PSTPIP1: variants seen among roughly 807,000 people sequenced by gnomAD.
PSTPIP1 encodes the protein proline-serine-threonine phosphatase interacting protein 1.
Under a neutral mutation model 69.6 loss-of-function variants are expected in PSTPIP1, and 66 were observed. That is an observed-to-expected ratio of 0.95 (90% confidence interval 0.78 to 1.16). PSTPIP1 has a LOEUF of 1.16. Ranked by LOEUF, PSTPIP1 falls within the 50% of genes most tolerant of loss-of-function variation. The probability of loss-of-function intolerance (pLI) is 0.00; values close to 1 mark genes in which losing one functional copy is unlikely to be tolerated. For synonymous variants in PSTPIP1, 266 were observed against 222.7 expected (o/e 1.19, Z -1.73); for missense variants, 603 against 557.4 (o/e 1.08, Z -0.82).
At chr15:77,017,945 T>C (rs1184387614) in intron 1 of PSTPIP1, among the ~76,000 whole-genome samples, 1 of 152,228 alleles carries the variant, frequency 6.6e-6, no homozygotes, top group African/African-American at 2.4e-5. Flanking sequence ...GGCTCACTTA[T>C]GTACCTGTCA....
chr15:77,026,577 G>A (rs2076285550), intron 5 of PSTPIP1, among the ~76,000 whole-genome samples: 2 of 152,352 alleles, frequency 1.3e-5, no homozygotes, highest in South Asian at 4.1e-4. Flanking sequence ...CAAGTGCTGG[G>A]AGCTCAGCCC....
rs2076603911 is a variant in PSTPIP1 at position 77,037,235 on chromosome 15, C to A, written c.*59C>A. 8.4e-6 allele frequency: 13 copies of A among 1,545,230 alleles called. 1 individual carries two copies. In the South Asian group the frequency reaches 1.4e-4, roughly 17 times the overall value. On this transcript the variant is annotated 3_prime_UTR_variant, in exon 15 of 15. Transcript: ENST00000558012. ...CCAGTGGAGCCAGCAGTGCCCCCAG[C>A]ACTGTCCCCACCTTGCTAGGGCCCA...
chr15:77,003,960 G>A (rs1323820809), intron 1 of PSTPIP1, among the ~76,000 whole-genome samples: 1 of 152,198 alleles, frequency 6.6e-6, no homozygotes, highest in African/African-American at 2.4e-5. Flanking sequence ...AGATCTTGCT[G>A]TTTCAGAATG....
chr15:77,025,713 G>C, intron 5 of PSTPIP1, 109 bp downstream of exon 5: 2 of 813,828 alleles, frequency 2.5e-6, no homozygotes, highest in Non-Finnish European at 3.8e-6. Context: ...GGGCGGCAGG[G>C]GTGGTGGTGG....
At chr15:77,000,121 G>A (rs890792488) in intron 1 of PSTPIP1, among the ~76,000 whole-genome samples, 1 of 152,148 alleles carries the variant, frequency 6.6e-6, no homozygotes, top group African/African-American at 2.4e-5. Context: ...AAACCCCTGT[G>A]CCACACTGGG....
At position 77,027,818 on chromosome 15, in the gene PSTPIP1, C is replaced by T. The variant is rs1424486935; in HGVS notation, c.355-34C>T. ...GGCCTAGGGGAGCCTCCCGAGGCCGCGGCCCTCGGCTCAGAACCTCGTGTC... is the reference window on the plus strand; with the variant it reads ...GGCCTAGGGGAGCCTCCCGAGGCCGTGGCCCTCGGCTCAGAACCTCGTGTC... On this transcript the variant is annotated intron_variant, in intron 5 of 14. Transcript: ENST00000558012. This position sits in a 1 kb window ranked among gnomAD's most constrained non-coding sequence, Gnocchi z 4.3. 4 of 1,551,280 alleles carry T rather than the reference C, an allele frequency of 2.6e-6. No individual in the cohort carries two copies. In the Admixed American group the frequency reaches 5.9e-5, roughly 23 times the overall value.
rs756956715 is a variant in PSTPIP1 at position 77,037,265 on chromosome 15, C to A, written c.*89C>A. ...TCCCCACCTTGCTAGGGCCCAGAACCAAGCGTCCCCCAGCCCCGAGAGGGA... is the reference window on the plus strand; with the variant it reads ...TCCCCACCTTGCTAGGGCCCAGAACAAAGCGTCCCCCAGCCCCGAGAGGGA... On this transcript the variant is annotated 3_prime_UTR_variant, in exon 15 of 15. Coordinates refer to ENST00000558012, the MANE Select transcript of PSTPIP1 (RefSeq NM_003978.5). 7.4e-6 allele frequency: 11 copies of A among 1,486,514 alleles called. No individual in the cohort carries two copies. Among genetic ancestry groups the A allele is most frequent in the South Asian group, 1.2e-5 (1 of 80,810 alleles). The allele number at this position is 1,486,514 out of a possible 1,614,324, so 92.1% of individuals were successfully genotyped here.
chr15:77,034,153 G>T (rs1299169371), intron 12 of PSTPIP1, among the ~76,000 whole-genome samples: 1 of 152,136 alleles, frequency 6.6e-6, no homozygotes, highest in Non-Finnish European at 1.5e-5. Flanking sequence ...AGAGGCGGGG[G>T]TCAGTGACTG....
intron 1 of PSTPIP1, chr15:77,007,803 C>G: frequency 2.4e-6 from 1 of 420,228 alleles, no homozygotes. Flanking sequence ...CACTGGTTAG[C>G]CAGGATGGTC....
chr15:77,034,116 G>T, intron 12 of PSTPIP1, among the ~76,000 whole-genome samples: 1 of 152,150 alleles, frequency 6.6e-6, no homozygotes, highest in Admixed American at 6.5e-5. Context: ...TCTGGATGGG[G>T]CATCTAGAAG....
intron 3 of PSTPIP1, among the ~76,000 whole-genome samples, chr15:77,020,550 T>C (rs957320336): frequency 6.6e-6 from 1 of 152,188 alleles, no homozygotes; most frequent in Admixed American, 6.5e-5. Context: ...TTAGTCACCA[T>C]TTAATTGAGG....
chr15:77,034,838 G>GTT (rs1388688525), intron 12 of PSTPIP1, among the ~76,000 whole-genome samples: 1 of 152,244 alleles, frequency 6.6e-6, no homozygotes, highest in Admixed American at 6.5e-5. Flanking sequence ...TGCCTCTTCT[G>GTT]TTTTATTTTC....
rs369205216 is a variant in PSTPIP1, at chr15:77,035,547, G to A, written c.969G>A (p.Ser323=). ...TGCACGGAAGTCCCAAGACCACTTC[G>A]TTGGCAGCTTCTGCTGGTAAAGGGG... The part of the protein sequence containing the change: ...GLLHGSPKTT[S]LAASAASTET... The change falls in exon 13 of 15, where the codon TCG becomes TCA. Residue 323 remains serine (S), a synonymous_variant. Coordinates refer to ENST00000558012, the MANE Select transcript of PSTPIP1 (RefSeq NM_003978.5). The A allele has an allele frequency of 1.3e-5, 20 of 1,587,586 alleles. No individual in the cohort carries two copies. The highest frequency in any genetic ancestry group is 2.3e-5 in the South Asian group (2 of 87,386).
At chr15:76,997,200 C>T (rs923919125) in intron 1 of PSTPIP1, among the ~76,000 whole-genome samples, 4 of 152,236 alleles carry the variant, frequency 2.6e-5, no homozygotes, top group South Asian at 2.1e-4. Flanking sequence ...CTGTGCTCGT[C>T]GCACCTCTGG....
chr15:76,998,307 A>C (rs2075623859), intron 1 of PSTPIP1, among the ~76,000 whole-genome samples: 3 of 152,100 alleles, frequency 2.0e-5, no homozygotes, highest in Non-Finnish European at 4.4e-5. Flanking sequence ...GGGCAACCTC[A>C]CCCATACAGA....
Position 77,027,944 on chromosome 15 carries a change from T to G in PSTPIP1, c.417+30T>G, listed in dbSNP as rs2076321585. 1 of 1,526,696 alleles carries G rather than the reference T, an allele frequency of 6.6e-7. No homozygotes were observed. Among genetic ancestry groups the G allele is most frequent in the Non-Finnish European group, 8.9e-7 (1 of 1,125,268 alleles). The allele number at this position is 1,526,696 out of a possible 1,614,324, so 94.6% of individuals were successfully genotyped here. A position where few individuals can be genotyped will look rare whatever the true frequency, so the allele number is the denominator to read the frequency against. ...GCGCCAGGGCCTGGGGCCGCGGCCT[T>G]CCCTCGAGGAGCAGCGCAGGTCTCA... On this transcript the variant is annotated intron_variant, in intron 6 of 14. Coordinates refer to ENST00000558012, the MANE Select transcript of PSTPIP1 (RefSeq NM_003978.5). This position sits in a 1 kb window ranked among gnomAD's most constrained non-coding sequence, Gnocchi z 4.3.
At chr15:77,023,244 C>T (rs2076201296) in intron 3 of PSTPIP1, among the ~76,000 whole-genome samples, 1 of 152,262 alleles carries the variant, frequency 6.6e-6, no homozygotes, top group East Asian at 1.9e-4. Flanking sequence ...CATGGTTCAG[C>T]TGCGTGACAG....
chr15:77,018,585 G>A, intron 3 of PSTPIP1, 54 bp downstream of exon 3: 2 of 1,495,334 alleles, frequency 1.3e-6, no homozygotes, highest in Non-Finnish European at 1.8e-6. Context: ...GCAGTTTCTG[G>A]GCCTTTAGAT....
At position 77,029,478 on chromosome 15, in the gene PSTPIP1, C is replaced by T. The variant is rs909317510; in HGVS notation, c.517-51C>T. 10 of 1,550,282 alleles carry T rather than the reference C, an allele frequency of 6.5e-6. No homozygotes were observed. In the South Asian group the frequency reaches 9.5e-5, roughly 15 times the overall value. On this transcript the variant is annotated intron_variant, in intron 7 of 14. Transcript: ENST00000558012. ...GTCACTTCAGGTCTGCTGGGGTGGG[C>T]CCTGGCTCCTGGGGCAGGGGCTTAG...
Sources: allele counts gnomAD v4.1 joint callset (sites outside exome capture counted in the v4.1 genomes callset), GRCh38; gene constraint gnomAD v4.1.1; non-coding constraint Gnocchi (gnomAD v3.1); transcripts MANE v1.5; gene names NCBI Gene and HGNC (gene_info 2026-07-23, HGNC 2026-07-21).